PEAK1: variants seen among roughly 807,000 people sequenced by gnomAD.
PEAK1 encodes the protein inactive tyrosine-protein kinase PEAK1.
In PEAK1, 54 loss-of-function variants were observed where a neutral mutation model predicts 124.7. The observed-to-expected ratio is 0.43, with a 90% confidence interval of 0.35 to 0.54. The LOEUF is 0.54. PEAK1 is among the 20% of genes least tolerant of loss of function. PEAK1 has a pLI of 0.01. For synonymous variants in PEAK1, 719 were observed against 760.0 expected (o/e 0.95, Z 0.89); for missense variants, 2,046 against 2,134.5 (o/e 0.96, Z 0.82).
At chr15:77,347,269 C>T (rs35651077) in intron 2 of PEAK1, 374,271 of 983,894 alleles carry the variant, frequency 0.38, 72,192 homozygotes, top group Non-Finnish European at 0.39. Context: ...CTATGACCCA[C>T]GAACTATTCA....
At chr15:77,207,524 T>G (rs1019304121) in intron 6 of PEAK1, among the ~76,000 whole-genome samples, 1 of 152,086 alleles carries the variant, frequency 6.6e-6, no homozygotes, top group Non-Finnish European at 1.5e-5. Context: ...GACAAAGACA[T>G]AGAAGAACCT....
At chr15:77,194,637 T>C (rs2152837600) in intron 6 of PEAK1, among the ~76,000 whole-genome samples, 1 of 152,236 alleles carries the variant, frequency 6.6e-6, no homozygotes, top group Middle Eastern at 3.4e-3. Context: ...CCCCCACTAG[T>C]CTTAGCTCCT....
intron 2 of PEAK1, among the ~76,000 whole-genome samples, chr15:77,323,081 C>T (rs1179098376): frequency 6.6e-6 from 1 of 152,004 alleles, no homozygotes; most frequent in African/African-American, 2.4e-5. Context: ...CAAAATTCAA[C>T]AACCTTCATG....
At position 77,403,813 on chromosome 15, in the gene PEAK1, A is replaced by T. The variant is rs150031284; in HGVS notation, c.-666+16193T>A. The T allele has an allele frequency of 7.8e-5, 77 of 981,898 alleles. No individual in the cohort carries two copies. In the African/African-American group the frequency reaches 1.1e-3, roughly 14 times the overall value. 60.8% of individuals were successfully genotyped at this position (981,898 alleles called of 1,614,324 possible). A position where few individuals can be genotyped will look rare whatever the true frequency, so the allele number is the denominator to read the frequency against. On this transcript the variant is annotated intron_variant, in intron 1 of 9. Transcript: ENST00000682557. ...CTCAATTTAAAAAAAAGCTTATTCA[A>T]TTCTATTCTAATATATCCCTAACCT...
intron 6 of PEAK1, among the ~76,000 whole-genome samples, chr15:77,217,506 C>T (rs988238722): frequency 4.4e-4 from 67 of 152,252 alleles, no homozygotes; most frequent in African/African-American, 1.5e-3. Context: ...AGTCCTCCAC[C>T]ACAGCAACGT....
intron 9 of PEAK1, among the ~76,000 whole-genome samples, chr15:77,122,934 C>T (rs539287667): frequency 7.0e-4 from 106 of 152,218 alleles, no homozygotes; most frequent in African/African-American, 2.4e-3. Context: ...CATTTAGTAT[C>T]TTGTTTTGTC....
intron 6 of PEAK1, among the ~76,000 whole-genome samples, chr15:77,215,352 C>T (rs763681081): frequency 9.9e-5 from 15 of 152,250 alleles, no homozygotes; most frequent in East Asian, 7.7e-4. Context: ...AATTGTCTTT[C>T]GAAAAGCTAG....
At chr15:77,192,359 C>T (rs1238482021) in intron 6 of PEAK1, among the ~76,000 whole-genome samples, 1 of 152,182 alleles carries the variant, frequency 6.6e-6, no homozygotes, top group East Asian at 1.9e-4. Flanking sequence ...GTGGCCAGGG[C>T]ATTCGAGAAC....
intron 6 of PEAK1, 132 bp from the exon 7 acceptor site, chr15:77,182,172 ATTTGTGTAC>A: frequency 1.3e-6 from 1 of 780,266 alleles, no homozygotes; most frequent in Non-Finnish European, 1.7e-6. Context: ...AGCTAAACTA[ATTTGTGTAC>A]TTTGTAATTT....
At position 77,179,401 on chromosome 15, in the gene PEAK1, T is replaced by C; in HGVS notation, c.2526A>G (p.Val842=). ...CTGGCTTTATGGATGGGTCTTTCTG[T>C]ACTTTGGTGGTAGGACTGTCTGTGG... ...PQTTDSPTTK[V]QKDPSIKPVT... The change falls in exon 7 of 10, where the codon GTA becomes GTG. Residue 842 remains valine, a synonymous_variant. Coordinates refer to ENST00000682557, the MANE Select transcript of PEAK1 (RefSeq NM_001385026.1). 1 of 1,614,080 alleles carries C rather than the reference T, an allele frequency of 6.2e-7. No homozygotes were observed. The highest frequency in any genetic ancestry group is 8.5e-7 in the Non-Finnish European group (1 of 1,180,018).
In PEAK1 at chr15:77,351,023, C is replaced by G. The variant is rs1053886793; in HGVS notation, c.-603+14140G>C. On this transcript the variant is annotated intron_variant, in intron 2 of 9. Transcript: ENST00000682557. Reference sequence around the variant, plus strand: ...AGGCACTATTGGTATTAGAGAAATACCATGCTGAATCAAATCAGCCCCTGC... The same window carrying G: ...AGGCACTATTGGTATTAGAGAAATAGCATGCTGAATCAAATCAGCCCCTGC... The G allele has an allele frequency of 2.1e-5, 19 of 884,634 alleles. No individual in the cohort carries two copies. In the African/African-American group the frequency reaches 3.4e-4, roughly 16 times the overall value. The allele number at this position is 884,634 out of a possible 1,614,324, so 54.8% of individuals were successfully genotyped here. A position where few individuals can be genotyped will look rare whatever the true frequency, so the allele number is the denominator to read the frequency against.
intron 9 of PEAK1, among the ~76,000 whole-genome samples, chr15:77,116,608 ATCTC>A (rs897359965): frequency 2.2e-4 from 34 of 151,782 alleles, no homozygotes; most frequent in African/African-American, 7.2e-4. Flanking sequence ...GGAGAAAAGC[ATCTC>A]TCTCTCTCTT....
chr15:77,348,813 G>A (rs910987524), intron 2 of PEAK1: 2 of 371,974 alleles, frequency 5.4e-6, no homozygotes, highest in Non-Finnish European at 7.1e-6. Context: ...GAGGGGGCGG[G>A]CAGGTGGGGG....
chr15:77,190,388 T>C (rs2057774680), intron 6 of PEAK1, among the ~76,000 whole-genome samples: 1 of 152,210 alleles, frequency 6.6e-6, no homozygotes, highest in South Asian at 2.1e-4. Flanking sequence ...TTAATGGTTG[T>C]AAATACATAA....
chr15:77,219,959 C>T (rs137895852), intron 6 of PEAK1, among the ~76,000 whole-genome samples: 188 of 152,214 alleles, frequency 1.2e-3, no homozygotes, highest in African/African-American at 4.5e-3. Flanking sequence ...TATTTTGACT[C>T]ATATGCAAAT....
intron 8 of PEAK1, among the ~76,000 whole-genome samples, chr15:77,141,183 C>A (rs1049321355): frequency 2.6e-5 from 4 of 152,078 alleles, no homozygotes; most frequent in African/African-American, 7.2e-5. Context: ...AATGAATATA[C>A]CAGTTCAGCA....
At chr15:77,314,292 T>C (rs565719032) in intron 2 of PEAK1, among the ~76,000 whole-genome samples, 29 of 150,680 alleles carry the variant, frequency 1.9e-4, no homozygotes, top group Non-Finnish European at 4.0e-4. Context: ...TAAAACCTGA[T>C]ACGAAAAAAA....
chr15:77,414,385 ATTTTTTT>A (rs35794181), intron 1 of PEAK1, among the ~76,000 whole-genome samples: 1 of 122,644 alleles, frequency 8.2e-6, no homozygotes, highest in Non-Finnish European at 1.8e-5. Context: ...AATTTTTTGT[ATTTTTTT>A]TTTTTTTTTG....
intron 7 of PEAK1, among the ~76,000 whole-genome samples, chr15:77,162,093 G>A (rs987405819): frequency 6.6e-6 from 1 of 151,822 alleles, no homozygotes; most frequent in African/African-American, 2.4e-5. Flanking sequence ...AGCAGAGAAG[G>A]TTGATTCAGT....
Sources: gnomAD v4.1 joint callset for allele counts (sites outside exome capture counted in the v4.1 genomes callset) on GRCh38, gnomAD v4.1.1 for gene constraint, MANE v1.5 for transcripts, NCBI Gene and HGNC (gene_info 2026-07-23, HGNC 2026-07-21) for gene names.